Variants in ZNF142 observed in about 807,000 individuals in gnomAD.
ZNF142 encodes zinc finger protein 142.
Under a neutral mutation model 132.1 loss-of-function variants are expected in ZNF142, and 96 were observed. The ratio of observed to expected loss-of-function variants is 0.73; its 90% CI spans 0.62 to 0.86. The LOEUF is 0.86. Ranked by LOEUF, ZNF142 falls within the 40% of genes least tolerant of loss-of-function variation. ZNF142 has a pLI of 0.00. For missense variants in ZNF142, 2,163 were observed against 2,336.2 expected (o/e 0.93, Z 1.53); for synonymous variants, 842 against 890.1 (o/e 0.95, Z 0.96).
chr2:218,635,455 G>C lies in ZNF142; in HGVS notation c.*2884C>G, dbSNP rs1696670666. On this transcript the variant is annotated 3_prime_UTR_variant, in exon 11 of 11. Transcript: ENST00000411696. Reference sequence around the variant, plus strand: ...CTGGGTTCAAGTGATTCTCCCATCTGAGCCTTCCGAGTAGCTGGGACTACA... The same window carrying C: ...CTGGGTTCAAGTGATTCTCCCATCTCAGCCTTCCGAGTAGCTGGGACTACA... 6.6e-6 allele frequency among the ~76,000 whole-genome samples: 1 copy of C among 152,154 alleles called. No homozygotes were observed. The highest frequency in any genetic ancestry group is 2.1e-4 in the South Asian group (1 of 4,824).
At chr2:218,649,492 G>A (rs1453100230) in intron 6 of ZNF142, 33 bp from the exon 7 acceptor site, 1 of 1,501,060 alleles carries the variant, frequency 6.7e-7, no homozygotes, top group East Asian at 2.4e-5. Flanking sequence ...TTGAGAGAGT[G>A]AGATTTTTCT....
intron 8 of ZNF142, among the ~76,000 whole-genome samples, chr2:218,645,757 C>T (rs1354552434): frequency 1.3e-5 from 2 of 152,126 alleles, no homozygotes; most frequent in East Asian, 3.9e-4. Context: ...AAAAGACTCT[C>T]TTTTTTCTTT....
chr2:218,656,242 G>T lies in ZNF142; in HGVS notation c.188C>A (p.Ala63Asp). The change falls in exon 4 of 11, where the codon GCC becomes GAC. Residue 63 changes from alanine to aspartate, a missense_variant. Ala to Asp is a moderately radical substitution (Grantham distance 126). Around this residue, in one of 7 missense-constraint regions of ZNF142, gnomAD observed 195 missense variants for 172.4 expected, o/e 1.13. Coordinates refer to ENST00000411696, the MANE Select transcript of ZNF142 (RefSeq NM_001379659.1). ...CCCTGGTCCCTCTTCAGTTGCTGTGGCCTCTACCAGCAGGCAGCCTGGCTC... is the reference window on the plus strand; with the variant it reads ...CCCTGGTCCCTCTTCAGTTGCTGTGTCCTCTACCAGCAGGCAGCCTGGCTC... ...PTEPGCLLVE[A>D]TATEEGPGNM... 7.4e-6 allele frequency: 12 copies of T among 1,613,564 alleles called. No homozygotes were observed. The highest frequency in any genetic ancestry group is 1.0e-5 in the Non-Finnish European group (12 of 1,179,718).
rs1010654272 is a variant in ZNF142, at chr2:218,633,860, A to T, written c.*4479T>A. On this transcript the variant is annotated 3_prime_UTR_variant, in exon 11 of 11. Transcript: ENST00000411696. ...TCCCAAGAAAAAAGACAAGGTAGCT[A>T]AGGAGAGATGAAGGAGTTCAGAAAC... The T allele has an allele frequency of 7.0e-7, 1 of 1,430,218 alleles. No homozygotes were observed. Among genetic ancestry groups the T allele is most frequent in the Non-Finnish European group, 9.6e-7 (1 of 1,038,888 alleles). The allele number at this position is 1,430,218 out of a possible 1,614,324, so 88.6% of individuals were successfully genotyped here.
intron 4 of ZNF142, among the ~76,000 whole-genome samples, 158 bp downstream of exon 4, chr2:218,655,992 A>G (rs1293165610): frequency 1.3e-5 from 2 of 152,226 alleles, no homozygotes; most frequent in Non-Finnish European, 2.9e-5. Flanking sequence ...CCAGCCTTCA[A>G]TCAACATGCA....
At chr2:218,655,378 G>A (rs1312368385) in intron 4 of ZNF142, among the ~76,000 whole-genome samples, 1 of 152,072 alleles carries the variant, frequency 6.6e-6, no homozygotes, top group Non-Finnish European at 1.5e-5. Flanking sequence ...TTAAAAAACA[G>A]GGAAGCTTCC....
At chr2:218,639,137 A>G (rs1404553104) in intron 10 of ZNF142, among the ~76,000 whole-genome samples, 1 of 151,984 alleles carries the variant, frequency 6.6e-6, no homozygotes, top group Non-Finnish European at 1.5e-5. Context: ...ACACCTGGCT[A>G]ATTTTGTATT....
rs1324930298 is a variant in ZNF142 at position 218,633,897 on chromosome 2, G to GA, written c.*4441dup. 9 of 1,252,448 alleles carry GA rather than the reference G, an allele frequency of 7.2e-6. No homozygotes were observed. The highest frequency in any genetic ancestry group is 1.9e-4 in the Middle Eastern group (1 of 5,372). The allele number at this position is 1,252,448 out of a possible 1,614,324, so 77.6% of individuals were successfully genotyped here. On this transcript the variant is annotated 3_prime_UTR_variant, in exon 11 of 11. Transcript: ENST00000411696. ...AGGAGTTCAGAAACTCCTTAGAGCA[G>GA]ACAAGGGCAGAGGAGTTATGAATAG... is the stretch of plus-strand genomic sequence containing the variant.
chr2:218,655,484 TG>T (rs1222953215), intron 4 of ZNF142, among the ~76,000 whole-genome samples: 1 of 152,190 alleles, frequency 6.6e-6, no homozygotes, highest in Non-Finnish European at 1.5e-5. Flanking sequence ...TGTTTTGTTT[TG>T]TTTTTTTAAA....
Position 218,649,139 on chromosome 2 carries a change from C to G in ZNF142, c.1369G>C (p.Val457Leu). The G allele has an allele frequency of 6.2e-7, 1 of 1,614,158 alleles. No homozygotes were observed. Among genetic ancestry groups the G allele is most frequent in the Non-Finnish European group, 8.5e-7 (1 of 1,180,044 alleles). Residue 457 changes from valine (V) to leucine (L), a missense_variant, in exon 7 of 11, where the codon GTC becomes CTC. Around this residue, in one of 7 missense-constraint regions of ZNF142, gnomAD observed 749 missense variants for 830.3 expected, o/e 0.90. Coordinates refer to ENST00000411696, the MANE Select transcript of ZNF142 (RefSeq NM_001379659.1). ...CTGAGGCGGAATTCCTCACGGCAGA[C>G]AGGACAGGCATAGGTGTCTGAGTAG... ...NFYSDTYACP[V>L]CREEFRLSQA... is the part of the protein sequence containing the mutation.
Position 218,642,965 on chromosome 2 carries a change from C to CGGCTCT in ZNF142, c.4145_4150dup (p.Gln1382_Ser1383dup), listed in dbSNP as rs1697366338. The CGGCTCT allele has an allele frequency of 8.7e-6, 14 of 1,613,408 alleles. No individual in the cohort carries two copies. Among genetic ancestry groups the CGGCTCT allele is most frequent in the African/African-American group, 1.3e-5 (1 of 74,940 alleles). On this transcript the variant is annotated inframe_insertion, in exon 9 of 11. Coordinates refer to ENST00000411696, the MANE Select transcript of ZNF142 (RefSeq NM_001379659.1). The surrounding 1 kb of genome is among the most constrained non-coding windows in gnomAD (Gnocchi z 4.6). ...GAGCCGCCGGTGCTGCTGCATGCAA[C>CGGCTCT]GGCTCTGTTTACAGGTGAAGCCACA...
In ZNF142 at chr2:218,640,752, G is replaced by A; in HGVS notation, c.5106C>T (p.His1702=). 1.2e-6 allele frequency: 2 copies of A among 1,614,170 alleles called. No individual in the cohort carries two copies. Among genetic ancestry groups the A allele is most frequent in the Non-Finnish European group, 1.7e-6 (2 of 1,180,032 alleles). The change falls in exon 10 of 11, where the codon CAC becomes CAT. Residue 1702 remains histidine (H), a synonymous_variant. Transcript: ENST00000411696. ...GGCACAGGTACTTCCGTTCCTCCTT[G>A]TGGATCCGCATGTGGTACTGGAAGA... ...PSRLKYHMRI[H]KEERKYLCPE...
Position 218,638,360 on chromosome 2 carries a change from G to C in ZNF142, c.5643C>G (p.Pro1881=). The C allele has an allele frequency of 6.6e-7, 1 of 1,522,170 alleles. No individual in the cohort carries two copies. Among genetic ancestry groups the C allele is most frequent in the Non-Finnish European group, 8.8e-7 (1 of 1,134,230 alleles). The allele number at this position is 1,522,170 out of a possible 1,614,324, so 94.3% of individuals were successfully genotyped here. A position where few individuals can be genotyped will look rare whatever the true frequency, so the allele number is the denominator to read the frequency against. ...GCTTTCAGCCCTCAGGTCCAGTGTG[G>C]GGAGCGGCAGGAGCAGGAGGGCTGG... ...EDPSPPAPAA[P]HTGPEG is the part of the protein sequence containing the mutation. The change falls in exon 11 of 11, where the codon CCC becomes CCG. Residue 1881 remains proline, a synonymous_variant. Transcript: ENST00000411696.
rs775722273 is a variant in ZNF142 at position 218,644,551 on chromosome 2, G to A, written c.2565C>T (p.Ala855=). 11 of 1,614,036 alleles carry A rather than the reference G, an allele frequency of 6.8e-6. No individual in the cohort carries two copies. The East Asian group carries it at 2.2e-4, about 33-fold the overall frequency. Reference sequence around the variant, plus strand: ...TGACCTCCTCACTCATCTCTGGCAGGGCCTGGTCCAAGCTGGGGTCCACCA... The same window carrying A: ...TGACCTCCTCACTCATCTCTGGCAGAGCCTGGTCCAAGCTGGGGTCCACCA... The part of the protein sequence containing the change: ...GTVVDPSLDQ[A]LPEMSEEVNT... The change falls in exon 9 of 11, where the codon GCC becomes GCT. Residue 855 remains alanine, a synonymous_variant. Transcript: ENST00000411696. This position sits in a 1 kb window ranked among gnomAD's most constrained non-coding sequence, Gnocchi z 4.6.
intron 7 of ZNF142, among the ~76,000 whole-genome samples, chr2:218,648,125 A>G (rs916154751): frequency 8.7e-6 from 1 of 115,464 alleles, no homozygotes; most frequent in African/African-American, 2.5e-5. Flanking sequence ...TAAAGCATCA[A>G]GAATGCTAGA....
In ZNF142 at chr2:218,650,425, T is replaced by C. The variant is rs1341115608; in HGVS notation, c.982A>G (p.Lys328Glu). 1 of 1,614,166 alleles carries C rather than the reference T, an allele frequency of 6.2e-7. No individual in the cohort carries two copies. Among genetic ancestry groups the C allele is most frequent in the African/African-American group, 1.3e-5 (1 of 75,046 alleles). The part of the protein sequence containing the change: ...AEEENVEKEE[K>E]SDTQKDSQKA... Reference sequence around the variant, plus strand: ...TGGGAGTCCTTCTGGGTGTCACTCTTCTCTTCTTTCTCTACATTCTCCTCT... The same window carrying C: ...TGGGAGTCCTTCTGGGTGTCACTCTCCTCTTCTTTCTCTACATTCTCCTCT... Residue 328 changes from lysine (K) to glutamate (E), a missense_variant, in exon 6 of 11, where the codon AAG (lysine) becomes GAG (glutamate). Lys to Glu is a moderately conservative substitution (Grantham distance 56). Transcript: ENST00000411696.
chr2:218,641,798 A>T (rs530615001), intron 9 of ZNF142, among the ~76,000 whole-genome samples: 4 of 152,240 alleles, frequency 2.6e-5, no homozygotes, highest in Non-Finnish European at 4.4e-5. Context: ...TGGTATCTCA[A>T]AGTGTTAAGA....
rs775373301 is a variant in ZNF142 at position 218,633,352 on chromosome 2, T to C, written c.*4987A>G. ...GGTTGACACTGATCCCAGCAGTACA[T>C]GCAGACCGCCTTTATTCCCATTCCC... is the stretch of plus-strand genomic sequence containing the variant. On this transcript the variant is annotated 3_prime_UTR_variant, in exon 11 of 11. Coordinates refer to ENST00000411696, the MANE Select transcript of ZNF142 (RefSeq NM_001379659.1). 71 of 703,402 alleles carry C rather than the reference T, an allele frequency of 1.0e-4. No homozygotes were observed. Among genetic ancestry groups the C allele is most frequent in the East Asian group, 3.8e-4 (14 of 37,280 alleles). 43.6% of individuals were successfully genotyped at this position (703,402 alleles called of 1,614,324 possible).
At position 218,636,356 on chromosome 2, in the gene ZNF142, G is replaced by C; in HGVS notation, c.*1983C>G. The stretch of plus-strand genomic sequence containing the variant: ...CTGGAAATCCCGAAATGACTTTATT[G>C]GTCAGTACACCCTGCCTTGGACCTG... On this transcript the variant is annotated 3_prime_UTR_variant, in exon 11 of 11. Coordinates refer to ENST00000411696, the MANE Select transcript of ZNF142 (RefSeq NM_001379659.1). 6.2e-7 allele frequency: 1 copy of C among 1,613,982 alleles called. No homozygotes were observed. The highest frequency in any genetic ancestry group is 8.5e-7 in the Non-Finnish European group (1 of 1,179,894).
Sources: gnomAD v4.1 joint callset for allele counts (sites outside exome capture counted in the v4.1 genomes callset) on GRCh38, gnomAD v4.1.1 for gene constraint, gnomAD v4.1.1 regional missense constraint, Gnocchi (gnomAD v3.1) non-coding constraint, MANE v1.5 for transcripts, NCBI Gene and HGNC (gene_info 2026-07-23, HGNC 2026-07-21) for gene names.